The following PARD3 variants were observed in gnomAD, a reference collection of about 807,000 sequenced individuals.
The protein encoded by PARD3 is par-3 family cell polarity regulator.
A neutral mutation model predicts 155.4 loss-of-function variants in PARD3; 75 were observed. That is an observed-to-expected ratio of 0.48 (90% CI 0.40 to 0.58). The LOEUF (loss-of-function observed/expected upper bound fraction) is 0.58. Among genes scored for constraint, PARD3 ranks in the 20% least tolerant of loss-of-function variants. The pLI, the probability that PARD3 is intolerant of heterozygous loss-of-function variation, is 0.00. For synonymous variants in PARD3, 576 were observed against 610.5 expected, an observed-to-expected ratio of 0.94 and a Z score of 0.83; for missense variants, 1,642 against 1,721.7, an observed-to-expected ratio of 0.95 and a Z score of 0.82.
intron 2 of PARD3, among the ~76,000 whole-genome samples, chr10:34,627,386 C>T (rs1190465314): frequency 2.6e-5 from 4 of 152,128 alleles, no homozygotes; most frequent in African/African-American, 4.8e-5. Flanking sequence ...TATGTGAAGT[C>T]CTAAACTCCA....
chr10:34,765,936 C>T (rs1203904038), intron 1 of PARD3, among the ~76,000 whole-genome samples: 3 of 152,172 alleles, frequency 2.0e-5, no homozygotes, highest in Non-Finnish European at 4.4e-5. Flanking sequence ...AACTGAGGTA[C>T]TGCAATGTTA....
rs79640268 is a variant in PARD3, at chr10:34,241,573, A to G, written c.3419+28084T>C. 9.8e-5 allele frequency among the ~76,000 whole-genome samples: 15 copies of G among 152,342 alleles called. No individual in the cohort carries two copies. In the East Asian group the frequency reaches 2.7e-3, roughly 27 times the overall value. ...ACTGTAGTAGGCAAAAGAAGAAGGA[A>G]ACAGACTGAGCTCTCAATACAGAGC... is the stretch of plus-strand genomic sequence containing the variant. On this transcript the variant is annotated intron_variant, in intron 22 of 24. Coordinates refer to ENST00000374788, the MANE Select transcript of PARD3 (RefSeq NM_001184785.2).
Position 34,362,073 on chromosome 10 carries a change from G to A in PARD3, c.1708-1814C>T, listed in dbSNP as rs375819517. Among the ~76,000 whole-genome samples the A allele has an allele frequency of 4.6e-5, 7 of 152,142 alleles. No individual in the cohort carries two copies. In the East Asian group the frequency reaches 7.7e-4, roughly 17 times the overall value. On this transcript the variant is annotated intron_variant, in intron 12 of 24. Transcript: ENST00000374788. ...CAGGTGGATCACGAGGTCGAAGCAG[G>A]TGGATCACGAGGTCAGGAGATCGAG...
intron 22 of PARD3, among the ~76,000 whole-genome samples, chr10:34,247,358 C>T (rs1318493859): frequency 1.3e-5 from 2 of 151,974 alleles, no homozygotes; most frequent in Non-Finnish European, 2.9e-5. Flanking sequence ...AAAAATTAGC[C>T]GGGCATGGTG....
At chr10:34,505,357 G>T (rs578119112) in intron 3 of PARD3, among the ~76,000 whole-genome samples, 89 of 152,336 alleles carry the variant, frequency 5.8e-4, no homozygotes, top group African/African-American at 1.9e-3. Flanking sequence ...AGGGTAAAAG[G>T]AAGTGAAGAG....
chr10:34,734,467 C>A (rs1182818264), intron 1 of PARD3, among the ~76,000 whole-genome samples: 1 of 151,428 alleles, frequency 6.6e-6, no homozygotes, highest in Non-Finnish European at 1.5e-5. Flanking sequence ...TCCATAGTAG[C>A]TGGGATTACA....
At chr10:34,368,839 T>TAAAAAA (rs71033310) in intron 12 of PARD3, among the ~76,000 whole-genome samples, 5 of 108,616 alleles carry the variant, frequency 4.6e-5, no homozygotes, top group East Asian at 2.7e-4. Context: ...ATGAGCAATG[T>TAAAAAA]AAAAAAAAAA....
intron 22 of PARD3, among the ~76,000 whole-genome samples, chr10:34,153,929 C>A (rs927216672): frequency 1.3e-5 from 2 of 152,182 alleles, no homozygotes; most frequent in Admixed American, 6.5e-5. Context: ...AAACAATTAA[C>A]AGAGGAAAAA....
At chr10:34,796,118 T>C (rs1342540209) in intron 1 of PARD3, among the ~76,000 whole-genome samples, 1 of 152,138 alleles carries the variant, frequency 6.6e-6, no homozygotes, top group African/African-American at 2.4e-5. Context: ...GAAAAGCTAA[T>C]GTCAACTCAT....
chr10:34,479,855 G>T (rs539958135), intron 3 of PARD3, among the ~76,000 whole-genome samples: 1 of 152,286 alleles, frequency 6.6e-6, no homozygotes, highest in South Asian at 2.1e-4. Context: ...TCAGAGAGGG[G>T]TCTTTGAGGA....
At position 34,266,211 on chromosome 10, in the gene PARD3, C is replaced by G. The variant is rs145776844; in HGVS notation, c.3419+3446G>C. 2.7e-4 allele frequency among the ~76,000 whole-genome samples: 38 copies of G among 140,734 alleles called. 1 individual carries two copies. In the East Asian group the frequency reaches 6.2e-3, roughly 23 times the overall value. The allele number at this position is 140,734 out of a possible 152,430, so 92.3% of individuals were successfully genotyped here. ...ACAATTTAGTTCAATACTGCAGTACCAAGAGATTGTCTTTCTATAAAAAAA... is the reference window on the plus strand; with the variant it reads ...ACAATTTAGTTCAATACTGCAGTACGAAGAGATTGTCTTTCTATAAAAAAA... On this transcript the variant is annotated intron_variant, in intron 22 of 24. Transcript: ENST00000374788.
chr10:34,577,367 ATT>A (rs1360098804), intron 2 of PARD3, among the ~76,000 whole-genome samples: 3 of 152,190 alleles, frequency 2.0e-5, no homozygotes, highest in Non-Finnish European at 2.9e-5. Flanking sequence ...ATGCTGTAGA[ATT>A]TGCTTAATCC....
intron 4 of PARD3, among the ~76,000 whole-genome samples, chr10:34,461,869 C>T (rs2077674981): frequency 1.3e-5 from 2 of 152,080 alleles, no homozygotes; most frequent in South Asian, 2.1e-4. Flanking sequence ...CTAAAAATAT[C>T]GCATCCAAGC....
chr10:34,600,745 A>G (rs368281640), intron 2 of PARD3, among the ~76,000 whole-genome samples: 6 of 152,230 alleles, frequency 3.9e-5, no homozygotes, highest in South Asian at 4.2e-4. Context: ...CATTTTATTC[A>G]TGTAAGTTCT....
chr10:34,458,328 G>A (rs112455422), intron 4 of PARD3, among the ~76,000 whole-genome samples: 7 of 152,118 alleles, frequency 4.6e-5, no homozygotes, highest in African/African-American at 1.4e-4. Flanking sequence ...TCAGCCTTCC[G>A]AATAGCTGAG....
intron 1 of PARD3, among the ~76,000 whole-genome samples, chr10:34,777,979 CTCT>C (rs1839804173): frequency 6.6e-6 from 1 of 152,186 alleles, no homozygotes; most frequent in African/African-American, 2.4e-5. Flanking sequence ...ACATCCACGG[CTCT>C]TGAGTTAGAG....
intron 1 of PARD3, among the ~76,000 whole-genome samples, chr10:34,788,012 G>A (rs1473937815): frequency 6.7e-6 from 1 of 149,278 alleles, no homozygotes; most frequent in Non-Finnish European, 1.5e-5. Flanking sequence ...GCGAATTCCT[G>A]GCTTCAAGCA....
intron 22 of PARD3, among the ~76,000 whole-genome samples, chr10:34,228,621 T>C (rs985954190): frequency 1.3e-5 from 2 of 152,086 alleles, no homozygotes; most frequent in Non-Finnish European, 2.9e-5. Flanking sequence ...ACTTGTACAC[T>C]TTAAACGGGT....
chr10:34,419,960 T>C (rs1433204374), intron 5 of PARD3, among the ~76,000 whole-genome samples: 1 of 152,230 alleles, frequency 6.6e-6, no homozygotes, highest in Admixed American at 6.5e-5. Context: ...ATTAATTGAT[T>C]GATTGAGACA....
Sources: allele counts gnomAD v4.1 joint callset (sites outside exome capture counted in the v4.1 genomes callset), GRCh38; gene constraint gnomAD v4.1.1; transcripts MANE v1.5; gene names NCBI Gene and HGNC (gene_info 2026-07-23, HGNC 2026-07-21).